NOS2: variants seen among roughly 807,000 people sequenced by gnomAD.
NOS2 encodes nitric oxide synthase, inducible.
A neutral mutation model predicts 136.0 loss-of-function variants in NOS2; 96 were observed. The observed-to-expected ratio is 0.71, with a 90% CI of 0.60 to 0.84. The LOEUF (loss-of-function observed/expected upper bound fraction) is 0.84, where lower values mean the gene tolerates loss of function less well. Among genes scored for constraint, NOS2 ranks in the 40% least tolerant of loss-of-function variants. The pLI is 0.00. For synonymous variants in NOS2, 539 were observed against 587.5 expected (o/e 0.92, Z 1.20); for missense variants, 1,237 against 1,496.9 (o/e 0.83, Z 2.87).
intron 11 of NOS2, among the ~76,000 whole-genome samples, chr17:27,776,697 A>C (rs1360080429): frequency 6.8e-6 from 1 of 147,648 alleles, no homozygotes; most frequent in Admixed American, 6.8e-5. Flanking sequence ...AAAAAAAAAA[A>C]AACTCAGTGG....
intron 19 of NOS2, 102 bp downstream of exon 19, chr17:27,766,408 T>A: frequency 1.9e-6 from 2 of 1,072,550 alleles, no homozygotes; most frequent in Admixed American, 3.4e-5. Flanking sequence ...TGCCAGCATA[T>A]GCTCTTCTCC....
At chr17:27,793,835 G>A (rs1054399419) in intron 2 of NOS2, 17 of 371,130 alleles carry the variant, frequency 4.6e-5, no homozygotes, top group African/African-American at 3.6e-4. Flanking sequence ...GCGATGTCCC[G>A]GGCCGAGCTG....
chr17:27,775,863 T>C (rs532520658), intron 11 of NOS2, among the ~76,000 whole-genome samples: 1 of 152,368 alleles, frequency 6.6e-6, no homozygotes, highest in South Asian at 2.1e-4. Context: ...AAGTGCTTAA[T>C]AAATATTAGC....
In NOS2 at chr17:27,760,879, C is replaced by A. The variant is rs1908102386; in HGVS notation, c.2889-135G>T. 3.3e-6 allele frequency: 4 copies of A among 1,210,642 alleles called. No homozygotes were observed. In the African/African-American group the frequency reaches 4.6e-5, roughly 14 times the overall value. 75.0% of individuals were successfully genotyped at this position (1,210,642 alleles called of 1,614,324 possible). On this transcript the variant is annotated intron_variant, in intron 23 of 26. Transcript: ENST00000313735. ...AGGACAAGAAGCTCCTATTTGATTT[C>A]CCACGTCCTGCAGGCTGCTTCACTT... is the stretch of plus-strand genomic sequence containing the variant.
intron 14 of NOS2, 84 bp from the exon 15 acceptor site, chr17:27,771,101 A>T: frequency 1.1e-6 from 1 of 949,108 alleles, no homozygotes; most frequent in Non-Finnish European, 1.6e-6. Flanking sequence ...GCTTCCTCCC[A>T]CACTGCCCCC....
chr17:27,793,658 C>A, intron 2 of NOS2: 1 of 396,950 alleles, frequency 2.5e-6, no homozygotes, highest in Non-Finnish European at 4.4e-6. Flanking sequence ...AGCCGGGGCC[C>A]GGCGGCCTCG....
chr17:27,762,381 GA>G (rs1908161656), intron 22 of NOS2, among the ~76,000 whole-genome samples: 1 of 152,148 alleles, frequency 6.6e-6, no homozygotes, highest in Non-Finnish European at 1.5e-5. Context: ...GCATGATTGG[GA>G]AGACTAAGAA....
intron 16 of NOS2, 113 bp downstream of exon 16, chr17:27,769,422 T>C: frequency 1.1e-6 from 1 of 929,274 alleles, no homozygotes; most frequent in Non-Finnish European, 1.7e-6. Flanking sequence ...CCCAGGTCTC[T>C]GTGCCTGCAC....
At chr17:27,792,376 T>C (rs908519690) in intron 2 of NOS2, among the ~76,000 whole-genome samples, 2 of 152,346 alleles carry the variant, frequency 1.3e-5, no homozygotes, top group African/African-American at 4.8e-5. Context: ...ATTTAACTTT[T>C]CTTATACTTT....
chr17:27,763,114 C>A, intron 21 of NOS2, 109 bp from the exon 22 acceptor site: 1 of 758,692 alleles, frequency 1.3e-6, no homozygotes, highest in East Asian at 2.7e-5. Flanking sequence ...ACAAACAAGT[C>A]CATGTGCCAG....
intron 24 of NOS2, 96 bp from the exon 25 acceptor site, chr17:27,760,274 T>G (rs944266374): frequency 8.0e-6 from 10 of 1,257,828 alleles, no homozygotes; most frequent in Non-Finnish European, 1.1e-5. Context: ...CCACTAGCTA[T>G]TTAATAGCAT....
chr17:27,769,414 C>G (rs1908416923), intron 16 of NOS2, 121 bp downstream of exon 16: 5 of 880,166 alleles, frequency 5.7e-6, no homozygotes, highest in Non-Finnish European at 9.4e-6. Context: ...ACCTTAGACC[C>G]AGGTCTCTGT....
intron 5 of NOS2, among the ~76,000 whole-genome samples, chr17:27,784,628 T>C (rs1364314957): frequency 6.6e-6 from 1 of 152,276 alleles, no homozygotes; most frequent in Non-Finnish European, 1.5e-5. Flanking sequence ...CATTTTCATA[T>C]AGTCATTTTC....
At chr17:27,784,172 A>G (rs577226226) in intron 5 of NOS2, among the ~76,000 whole-genome samples, 2,456 of 151,706 alleles carry the variant, frequency 0.016, 46 homozygotes, top group South Asian at 0.047. Context: ...TACCACCACC[A>G]CCAACAACAA....
At chr17:27,797,593 G>A (rs980607024) in intron 2 of NOS2, among the ~76,000 whole-genome samples, 1 of 152,268 alleles carries the variant, frequency 6.6e-6, no homozygotes, top group Non-Finnish European at 1.5e-5. Flanking sequence ...CATCCAGGGG[G>A]CGCCCTACCC....
intron 11 of NOS2, among the ~76,000 whole-genome samples, chr17:27,774,786 C>T (rs1193840700): frequency 1.3e-5 from 2 of 152,226 alleles, no homozygotes; most frequent in Non-Finnish European, 2.9e-5. Flanking sequence ...ATCTGCATAA[C>T]TTAAACCACA....
chr17:27,782,795 A>G lies in NOS2; in HGVS notation c.630+149T>C, dbSNP rs1428828813. ...TCTAGAGAGGGACCCTAGGTGCCCC[A>G]TCTCAACATTTGGGAATGTAAGAGA... On this transcript the variant is annotated intron_variant, in intron 6 of 26. Coordinates refer to ENST00000313735, the MANE Select transcript of NOS2 (RefSeq NM_000625.4). 4 of 732,764 alleles carry G rather than the reference A, an allele frequency of 5.5e-6. No homozygotes were observed. The East Asian group carries it at 8.1e-5, about 15-fold the overall frequency. 45.4% of individuals were successfully genotyped at this position (732,764 alleles called of 1,614,324 possible).
At chr17:27,769,395 T>A in intron 16 of NOS2, 140 bp downstream of exon 16, 1 of 790,122 alleles carries the variant, frequency 1.3e-6, no homozygotes, top group South Asian at 1.6e-5. Context: ...CGACACATTC[T>A]GAGTACAGAC....
chr17:27,784,133 A>AACACACACACAC (rs3838880), intron 5 of NOS2, among the ~76,000 whole-genome samples: 7,320 of 147,014 alleles, frequency 0.05, 221 homozygotes, highest in Non-Finnish European at 0.072. Context: ...AAGGCTTTGA[A>AACACACACACAC]ACACACACAC....
Sources: gnomAD v4.1 joint callset for allele counts (sites outside exome capture counted in the v4.1 genomes callset) on GRCh38, gnomAD v4.1.1 for gene constraint, MANE v1.5 for transcripts, NCBI Gene and HGNC (gene_info 2026-07-23, HGNC 2026-07-21) for gene names.